Variants in SCARA3 observed in about 807,000 individuals in gnomAD.
The protein encoded by SCARA3 is scavenger receptor class A member 3, also known as cellular stress response gene protein.
SCARA3 carries 39 observed loss-of-function variants against 47.0 expected under a neutral mutation model. The ratio of observed to expected loss-of-function variants is 0.83; its 90% CI spans 0.64 to 1.08. SCARA3 has a LOEUF of 1.08. Ranked by LOEUF, SCARA3 falls within the 50% of genes least tolerant of loss-of-function variation. SCARA3 has a pLI of 0.00. For missense variants in SCARA3, 724 were observed against 792.3 expected, an observed-to-expected ratio of 0.91 and a Z score of 1.04; for synonymous variants, 356 against 334.1, an observed-to-expected ratio of 1.07 and a Z score of -0.71.
the SCARA3 span, among the ~76,000 whole-genome samples, chr8:27,691,742 A>T: frequency 6.6e-6 from 1 of 151,754 alleles, no homozygotes; most frequent in South Asian, 2.1e-4. Flanking sequence ...CCCTCTCTGC[A>T]CTTCTTCATT....
chr8:27,698,500 A>G, the SCARA3 span, among the ~76,000 whole-genome samples: 1 of 152,176 alleles, frequency 6.6e-6, no homozygotes, highest in Admixed American at 6.5e-5. Flanking sequence ...CTTTTATTCT[A>G]TTTGACTAGA....
At chr8:27,713,418 T>C in the SCARA3 span, among the ~76,000 whole-genome samples, 1 of 152,264 alleles carries the variant, frequency 6.6e-6, no homozygotes, top group Non-Finnish European at 1.5e-5. Context: ...AGAGTAACTC[T>C]TTCCTCTTGT....
At chr8:27,660,838 C>CTAGATAGA (rs1206217264) in intron 5 of SCARA3, among the ~76,000 whole-genome samples, 13 of 49,804 alleles carry the variant, frequency 2.6e-4, no homozygotes, top group South Asian at 3.4e-3. Flanking sequence ...AGATAGCTAG[C>CTAGATAGA]TAGCTAGATA....
the SCARA3 span, among the ~76,000 whole-genome samples, chr8:27,694,070 A>G: frequency 1.3e-5 from 2 of 152,176 alleles, no homozygotes; most frequent in South Asian, 2.1e-4. Context: ...AACTTTCTAA[A>G]TTAACTGAGA....
the SCARA3 span, among the ~76,000 whole-genome samples, chr8:27,692,480 T>C: frequency 6.6e-6 from 1 of 151,650 alleles, no homozygotes; most frequent in Non-Finnish European, 1.5e-5. Context: ...AGATACATCA[T>C]GTGACAGCAG....
At chr8:27,727,298 A>G in the SCARA3 span, among the ~76,000 whole-genome samples, 1 of 152,220 alleles carries the variant, frequency 6.6e-6, no homozygotes, top group Admixed American at 6.5e-5. Context: ...TTCAAAGGCA[A>G]AGAGCTTTGA....
the SCARA3 span, among the ~76,000 whole-genome samples, chr8:27,707,441 G>A: frequency 6.7e-6 from 1 of 149,268 alleles, no homozygotes; most frequent in African/African-American, 2.5e-5. Context: ...ATGAAAAAAG[G>A]AACAATCATT....
chr8:27,731,390 A>G, the SCARA3 span, among the ~76,000 whole-genome samples: 1 of 151,492 alleles, frequency 6.6e-6, no homozygotes. Context: ...GAGCCACTGC[A>G]CTCTTCTGCC....
the SCARA3 span, among the ~76,000 whole-genome samples, chr8:27,723,991 C>G: frequency 0.38 from 58,471 of 152,098 alleles, 11,830 homozygotes; most frequent in Non-Finnish European, 0.45. Flanking sequence ...CCGCCTCAGC[C>G]TCTCGAAGTG....
chr8:27,659,848 T>TAAAAAAAAAA (rs1164812144), intron 5 of SCARA3, among the ~76,000 whole-genome samples: 1 of 40,336 alleles, frequency 2.5e-5, no homozygotes, highest in Non-Finnish European at 3.9e-5. Context: ...AGTCCTTATC[T>TAAAAAAAAAA]AAAAAAAAAA....
the SCARA3 span, among the ~76,000 whole-genome samples, chr8:27,730,160 A>C: frequency 1.3e-5 from 2 of 152,144 alleles, no homozygotes; most frequent in Non-Finnish European, 2.9e-5. Context: ...GTCATTCTAC[A>C]TGGAGCTCAG....
At position 27,672,811 on chromosome 8, in the gene SCARA3, G is replaced by A. The variant is rs1028458257; in HGVS notation, c.*1460G>A. ...TCAGGCACCACCCCCTCCACCGCCC[G>A]CAAGGTTAGGGCATAGAGTTGTCTC... is the stretch of plus-strand genomic sequence containing the variant. On this transcript the variant is annotated 3_prime_UTR_variant, in exon 6 of 6. Coordinates refer to ENST00000301904, the MANE Select transcript of SCARA3 (RefSeq NM_016240.3). The A allele has an allele frequency of 8.1e-6, 8 of 985,504 alleles. No homozygotes were observed. The highest frequency in any genetic ancestry group is 5.2e-5 in the African/African-American group (3 of 57,226). 61.0% of individuals were successfully genotyped at this position (985,504 alleles called of 1,614,324 possible).
the SCARA3 span, among the ~76,000 whole-genome samples, chr8:27,692,231 C>T: frequency 1.3e-5 from 2 of 152,026 alleles, no homozygotes; most frequent in African/African-American, 4.8e-5. Context: ...ACCAGCCTGA[C>T]CAACATGGAG....
chr8:27,714,245 G>C, the SCARA3 span, among the ~76,000 whole-genome samples: 2 of 138,966 alleles, frequency 1.4e-5, no homozygotes, highest in African/African-American at 2.8e-5. Flanking sequence ...TCCTAGGCTG[G>C]GGTGCAGTGG....
chr8:27,695,249 C>T, the SCARA3 span, among the ~76,000 whole-genome samples: 1 of 152,118 alleles, frequency 6.6e-6, no homozygotes, highest in Admixed American at 6.5e-5. Context: ...TAACTAAAAC[C>T]AAGCCCTGAA....
downstream of SCARA3, among the ~76,000 whole-genome samples, chr8:27,674,175 A>G (rs1802225558): frequency 1.3e-5 from 2 of 152,224 alleles, no homozygotes; most frequent in East Asian, 3.8e-4. Context: ...TCTAGGTACT[A>G]CTGAAATCCA....
At position 27,671,737 on chromosome 8, in the gene SCARA3, C is replaced by T; in HGVS notation, c.*386C>T. ...ACACATACACATGCACACACACATG[C>T]ACACATATATGCACAGGCACACACA... On this transcript the variant is annotated 3_prime_UTR_variant, in exon 6 of 6. Coordinates refer to ENST00000301904, the MANE Select transcript of SCARA3 (RefSeq NM_016240.3). 1 of 1,028,756 alleles carries T rather than the reference C, an allele frequency of 9.7e-7. No homozygotes were observed. Among genetic ancestry groups the T allele is most frequent in the African/African-American group, 1.7e-5 (1 of 58,996 alleles). The allele number at this position is 1,028,756 out of a possible 1,614,324, so 63.7% of individuals were successfully genotyped here.
the SCARA3 span, among the ~76,000 whole-genome samples, chr8:27,713,751 C>A: frequency 3.3e-5 from 5 of 152,160 alleles, no homozygotes; most frequent in Non-Finnish European, 5.9e-5. Flanking sequence ...GCTGTGAAAT[C>A]AGCCATTTCT....
chr8:27,711,013 C>G, the SCARA3 span, among the ~76,000 whole-genome samples: 1 of 151,184 alleles, frequency 6.6e-6, no homozygotes. Context: ...ACCTCTGCCT[C>G]CCGGGTTCAA....
Sources: gnomAD v4.1 joint callset for allele counts (sites outside exome capture counted in the v4.1 genomes callset) on GRCh38, gnomAD v4.1.1 for gene constraint, MANE v1.5 for transcripts, NCBI Gene and HGNC (gene_info 2026-07-23, HGNC 2026-07-21) for gene names.